The following CHD9 variants were observed in gnomAD, a reference collection of about 807,000 sequenced individuals.
CHD9 encodes chromodomain helicase DNA binding protein 9.
CHD9 carries 77 observed loss-of-function variants against 316.1 expected under a neutral mutation model. The observed-to-expected ratio is 0.24, with a 90% CI of 0.20 to 0.29. The LOEUF (loss-of-function observed/expected upper bound fraction) is 0.29. CHD9 is among the 10% of genes least tolerant of loss of function. The pLI is 1.00. For synonymous variants in CHD9, 1,129 were observed against 1,158.3 expected (o/e 0.97, Z 0.51); for missense variants, 2,763 against 3,438.1 (o/e 0.80, Z 4.91).
chr16:53,101,210 A>C (rs911427496), intron 1 of CHD9, among the ~76,000 whole-genome samples: 3 of 151,842 alleles, frequency 2.0e-5, no homozygotes, highest in African/African-American at 7.3e-5. Flanking sequence ...TTATCATAAG[A>C]TGGATAAAAA....
intron 1 of CHD9, among the ~76,000 whole-genome samples, chr16:53,132,482 G>C (rs1407027122): frequency 2.0e-5 from 3 of 152,178 alleles, no homozygotes; most frequent in Non-Finnish European, 4.4e-5. Context: ...CTAGATAACT[G>C]TAGAAGTAGT....
At chr16:53,226,612 C>T (rs2047676754) in intron 5 of CHD9, 100 bp downstream of exon 5, 5 of 1,272,694 alleles carry the variant, frequency 3.9e-6, no homozygotes, top group Non-Finnish European at 5.4e-6. Flanking sequence ...TCTAACTTAT[C>T]CTTCCGGATT....
chr16:53,265,917 T>G (rs2051622267), intron 20 of CHD9, among the ~76,000 whole-genome samples: 1 of 151,322 alleles, frequency 6.6e-6, no homozygotes, highest in South Asian at 2.1e-4. Context: ...GTATCAAATC[T>G]CAAAAGATTT....
chr16:53,127,521 T>C (rs1458403958), intron 1 of CHD9, among the ~76,000 whole-genome samples: 1 of 152,188 alleles, frequency 6.6e-6, no homozygotes, highest in African/African-American at 2.4e-5. Flanking sequence ...TTACAAGTTA[T>C]AGCCTTTGGG....
intron 3 of CHD9, among the ~76,000 whole-genome samples, chr16:53,214,112 A>G (rs1476318385): frequency 1.3e-5 from 2 of 152,296 alleles, no homozygotes; most frequent in East Asian, 3.9e-4. Flanking sequence ...TGCCTCCAAG[A>G]AGAAAGGAGG....
At chr16:53,072,260 T>C (rs2152517631) in intron 1 of CHD9, among the ~76,000 whole-genome samples, 1 of 151,224 alleles carries the variant, frequency 6.6e-6, no homozygotes, top group East Asian at 1.9e-4. Context: ...CCTATTTCCA[T>C]AGCAACCAAA....
chr16:53,319,972 A>T, intron 37 of CHD9: 2 of 465,660 alleles, frequency 4.3e-6, no homozygotes, highest in Non-Finnish European at 5.8e-6. Flanking sequence ...TTATTTCCTT[A>T]AATGTACTTA....
chr16:53,151,066 C>G (rs1209160563), intron 1 of CHD9, among the ~76,000 whole-genome samples: 1 of 151,826 alleles, frequency 6.6e-6, no homozygotes, highest in Non-Finnish European at 1.5e-5. Flanking sequence ...CTGCCCTTTT[C>G]TCTCTCTCCT....
chr16:53,157,856 G>A (rs1005007188), intron 2 of CHD9, among the ~76,000 whole-genome samples: 3 of 152,006 alleles, frequency 2.0e-5, no homozygotes, highest in Admixed American at 6.5e-5. Context: ...ATAATTAAAA[G>A]GGAAAAACCA....
At chr16:53,182,734 C>T (rs1022744219) in intron 2 of CHD9, among the ~76,000 whole-genome samples, 1 of 152,002 alleles carries the variant, frequency 6.6e-6, no homozygotes, top group African/African-American at 2.4e-5. Context: ...GGAGGAAATC[C>T]AGCCTAATTA....
At chr16:53,175,000 T>C (rs1283008897) in intron 2 of CHD9, among the ~76,000 whole-genome samples, 1 of 152,222 alleles carries the variant, frequency 6.6e-6, no homozygotes, top group East Asian at 1.9e-4. Context: ...TAAGCTTTTT[T>C]AGCCCGGACC....
At chr16:53,172,484 T>C (rs1161099131) in intron 2 of CHD9, among the ~76,000 whole-genome samples, 1 of 152,226 alleles carries the variant, frequency 6.6e-6, no homozygotes, top group African/African-American at 2.4e-5. Flanking sequence ...CTATGAACAT[T>C]TTTATGTAGT....
chr16:53,079,373 T>C (rs2034820908), intron 1 of CHD9, among the ~76,000 whole-genome samples: 1 of 152,200 alleles, frequency 6.6e-6, no homozygotes, highest in South Asian at 2.1e-4. Context: ...TGACTTAGCA[T>C]AAAATGCTTC....
intron 1 of CHD9, among the ~76,000 whole-genome samples, chr16:53,102,731 T>C (rs1414659734): frequency 6.6e-6 from 1 of 152,080 alleles, no homozygotes. Context: ...ATGCCTGTAG[T>C]CGTAGCTACT....
At chr16:53,255,492 A>C in intron 18 of CHD9, 108 bp from the exon 19 acceptor site, 1 of 904,274 alleles carries the variant, frequency 1.1e-6, no homozygotes. Flanking sequence ...CCCAAACCCA[A>C]ATGCAGTTTA....
At chr16:53,159,454 T>C (rs2041757511) in intron 2 of CHD9, among the ~76,000 whole-genome samples, 2 of 152,342 alleles carry the variant, frequency 1.3e-5, no homozygotes, top group Middle Eastern at 3.4e-3. Context: ...CATAAAATGC[T>C]TCAATACCTT....
chr16:53,312,495 G>A (rs865982841), intron 34 of CHD9, among the ~76,000 whole-genome samples: 1 of 152,132 alleles, frequency 6.6e-6, no homozygotes, highest in Non-Finnish European at 1.5e-5. Flanking sequence ...AGAAGGGCAG[G>A]GAATAGCATG....
intron 1 of CHD9, among the ~76,000 whole-genome samples, chr16:53,105,817 A>G (rs1170672519): frequency 6.6e-6 from 1 of 151,410 alleles, no homozygotes; most frequent in Non-Finnish European, 1.5e-5. Flanking sequence ...CAACAATGAT[A>G]AGAACTTTTT....
intron 24 of CHD9, among the ~76,000 whole-genome samples, chr16:53,279,544 AAATC>A (rs1312824180): frequency 2.6e-5 from 4 of 152,178 alleles, no homozygotes; most frequent in Non-Finnish European, 4.4e-5. Flanking sequence ...TCATGGACTT[AAATC>A]TAAGACCTGA....
Sources: allele counts gnomAD v4.1 joint callset (sites outside exome capture counted in the v4.1 genomes callset), GRCh38; gene constraint gnomAD v4.1.1; transcripts MANE v1.5; gene names NCBI Gene and HGNC (gene_info 2026-07-23, HGNC 2026-07-21).